NTN1: variants seen among roughly 807,000 people sequenced by gnomAD.
The protein encoded by NTN1 is netrin-1.
NTN1 carries 11 observed loss-of-function variants against 54.2 expected under a neutral mutation model. The observed-to-expected ratio is 0.20, with a 90% CI of 0.13 to 0.34. The LOEUF is 0.34. Ranked by LOEUF, NTN1 falls within the 10% of genes least tolerant of loss-of-function variation. The pLI, the probability that NTN1 is intolerant of heterozygous loss-of-function variation, is 1.00. For missense variants in NTN1, 740 were observed against 893.1 expected (o/e 0.83, Z 2.18); for synonymous variants, 371 against 382.0 (o/e 0.97, Z 0.33).
At chr17:9,172,580 ACT>A (rs2092390029) in intron 3 of NTN1, among the ~76,000 whole-genome samples, 1 of 152,200 alleles carries the variant, frequency 6.6e-6, no homozygotes, top group African/African-American at 2.4e-5. Flanking sequence ...GATGTAAATG[ACT>A]CTCAAAATTC....
rs749563916 is a variant in NTN1 at position 9,179,791 on chromosome 17, T to G, written c.1208-16T>G. The G allele has an allele frequency of 1.6e-5, 25 of 1,611,494 alleles. 1 individual carries two copies. The South Asian group carries it at 2.6e-4, about 17-fold the overall frequency. On this transcript the variant is annotated splice_polypyrimidine_tract_variant and intron_variant, in intron 3 of 6. Coordinates refer to ENST00000173229, the MANE Select transcript of NTN1 (RefSeq NM_004822.3). The stretch of plus-strand genomic sequence containing the variant: ...CTTCCCCCTTGTCTGACCCTCCCAT[T>G]TTGTGTTCTCTGCAGCCTGTGATTG...
chr17:9,023,070 G>C lies in NTN1; in HGVS notation c.697G>C (p.Asp233His), dbSNP rs749289575. 5.7e-6 allele frequency: 9 copies of C among 1,577,068 alleles called. No homozygotes were observed. The highest frequency in any genetic ancestry group is 3.3e-4 in the Middle Eastern group (2 of 6,042). Residue 233 changes from aspartate (D) to histidine (H), a missense_variant, in exon 2 of 7, where the codon GAC becomes CAC. Coordinates refer to ENST00000173229, the MANE Select transcript of NTN1 (RefSeq NM_004822.3). ...CGGGCGGCCCTCGGCGCACGACTTC[G>C]ACAACTCGCCCGTGCTGCAGGACTG... ...LDGRPSAHDF[D>H]NSPVLQDWVT... is the part of the protein sequence containing the mutation.
intron 2 of NTN1, among the ~76,000 whole-genome samples, chr17:9,058,920 C>T (rs1399600280): frequency 1.3e-5 from 2 of 152,114 alleles, no homozygotes; most frequent in Non-Finnish European, 2.9e-5. Context: ...GGTTCAAATC[C>T]AGACTCGGCC....
Position 9,212,380 on chromosome 17 carries a change from T to A in NTN1, c.1412-8788T>A, listed in dbSNP as rs1160605499. ...TGATGGCCCTTATGAAACCCACGGA[T>A]GCCTGCGGCACCTTGAAAACCGAAC... On this transcript the variant is annotated intron_variant, in intron 5 of 6. Transcript: ENST00000173229. The surrounding 1 kb of genome is among the most constrained non-coding windows in gnomAD (Gnocchi z 5.5). 6.6e-6 allele frequency among the ~76,000 whole-genome samples: 1 copy of A among 152,220 alleles called. No individual in the cohort carries two copies. The highest frequency in any genetic ancestry group is 1.5e-5 in the Non-Finnish European group (1 of 68,034).
Position 9,103,074 on chromosome 17 carries a change from C to T in NTN1, c.1019-59739C>T, listed in dbSNP as rs79561682. Among the ~76,000 whole-genome samples, 1,228 of 152,090 alleles carry T rather than the reference C, an allele frequency of 8.1e-3. 23 individuals carry two copies. The highest frequency in any genetic ancestry group is 0.029 in the African/African-American group (1,185 of 41,488). ...CTGATTCACATGGATGTGTTCAGTTCGTGAAAATTCCATGAGCAGTATGCT... is the reference window on the plus strand; with the variant it reads ...CTGATTCACATGGATGTGTTCAGTTTGTGAAAATTCCATGAGCAGTATGCT... On this transcript the variant is annotated intron_variant, in intron 2 of 6. Coordinates refer to ENST00000173229, the MANE Select transcript of NTN1 (RefSeq NM_004822.3).
At chr17:9,188,619 G>C (rs990296552) in intron 5 of NTN1, among the ~76,000 whole-genome samples, 9 of 152,114 alleles carry the variant, frequency 5.9e-5, no homozygotes, top group African/African-American at 2.2e-4. Flanking sequence ...TTGTCTTCCT[G>C]TCGCCTCACT....
rs2092365818 is a variant in NTN1, at chr17:9,163,674, A to G, written c.1207+673A>G. On this transcript the variant is annotated intron_variant, in intron 3 of 6. Transcript: ENST00000173229. ...CCACTGAAGCAAGCACTAATGTTTT[A>G]ACTTTCTGCTGTTTGTTTTTCTCGT... 2.0e-5 allele frequency among the ~76,000 whole-genome samples: 3 copies of G among 152,246 alleles called. No homozygotes were observed. In the South Asian group the frequency reaches 6.2e-4, roughly 31 times the overall value.
intron 3 of NTN1, among the ~76,000 whole-genome samples, chr17:9,167,691 C>T (rs911407927): frequency 6.6e-6 from 1 of 152,340 alleles, no homozygotes; most frequent in African/African-American, 2.4e-5. Flanking sequence ...GACGTTCTTG[C>T]TACTTCCGTC....
the NTN1 span, among the ~76,000 whole-genome samples, chr17:9,011,968 T>C: frequency 6.6e-6 from 1 of 152,258 alleles, no homozygotes; most frequent in Admixed American, 6.5e-5. Flanking sequence ...AGTCAATTAA[T>C]TTGTAGTGCA....
chr17:9,111,227 C>T (rs1328588546), intron 2 of NTN1, among the ~76,000 whole-genome samples: 9 of 152,140 alleles, frequency 5.9e-5, no homozygotes, highest in Non-Finnish European at 1.2e-4. Context: ...TGAGCCACTG[C>T]GCCCTGCCCA....
chr17:9,231,708 G>A (rs910103760), intron 6 of NTN1, among the ~76,000 whole-genome samples: 12 of 123,078 alleles, frequency 9.7e-5, no homozygotes, highest in Admixed American at 3.1e-4. Flanking sequence ...GGCCACTCCC[G>A]CTCTGTGGAG....
At chr17:9,062,878 T>TAA (rs201844467) in intron 2 of NTN1, among the ~76,000 whole-genome samples, 18 of 151,254 alleles carry the variant, frequency 1.2e-4, no homozygotes, top group African/African-American at 4.4e-4. Context: ...CGCCCTTAAG[T>TAA]AAAAAAAAAT....
At chr17:9,125,824 C>G (rs1363488644) in intron 2 of NTN1, among the ~76,000 whole-genome samples, 2 of 152,180 alleles carry the variant, frequency 1.3e-5, no homozygotes, top group Non-Finnish European at 2.9e-5. Flanking sequence ...AGTGGATGCT[C>G]CATAAATGTG....
Position 9,221,145 on chromosome 17 carries a change from G to GC in NTN1, c.1412-22dup, listed in dbSNP as rs368559493. ...GCCAGCCTAATTAGTTTTTGTCTGT[G>GC]CTCCCCCCCCACCCCCCTGCAGACT... On this transcript the variant is annotated intron_variant, in intron 5 of 6. Coordinates refer to ENST00000173229, the MANE Select transcript of NTN1 (RefSeq NM_004822.3). This position sits in a 1 kb window ranked among gnomAD's most constrained non-coding sequence, Gnocchi z 4.5. 4,601 of 1,503,384 alleles carry GC rather than the reference G, an allele frequency of 3.1e-3. 116 individuals carry two copies. The African/African-American group carries it at 0.07, about 23-fold the overall frequency. The allele number at this position is 1,503,384 out of a possible 1,614,324, so 93.1% of individuals were successfully genotyped here. A position where few individuals can be genotyped will look rare whatever the true frequency, so the allele number is the denominator to read the frequency against.
chr17:9,114,544 G>C (rs908798357), intron 2 of NTN1, among the ~76,000 whole-genome samples: 1 of 151,838 alleles, frequency 6.6e-6, no homozygotes, highest in African/African-American at 2.4e-5. Context: ...CCTGAGGTCA[G>C]GAGTTCGAGA....
At chr17:9,119,286 C>A (rs1365837382) in intron 2 of NTN1, among the ~76,000 whole-genome samples, 2 of 151,972 alleles carry the variant, frequency 1.3e-5, no homozygotes, top group African/African-American at 4.8e-5. Context: ...CTCCCGGGTT[C>A]AAGCAATTCT....
chr17:9,102,103 G>C (rs1295918631), intron 2 of NTN1, among the ~76,000 whole-genome samples: 3 of 152,236 alleles, frequency 2.0e-5, no homozygotes, highest in African/African-American at 7.2e-5. Flanking sequence ...TGCCTAAAAT[G>C]GGAAAAGACA....
chr17:9,162,850 C>G lies in NTN1; in HGVS notation c.1056C>G (p.Phe352Leu), dbSNP rs2092361605. Reference protein sequence around the residue: ...NCNLHARRCRFNMELYKLSGR... With the variant: ...NCNLHARRCRLNMELYKLSGR... ...ACCTGCATGCCCGGCGCTGCCGCTTCAACATGGAGCTCTACAAGCTTTCGG... is the reference window on the plus strand; with the variant it reads ...ACCTGCATGCCCGGCGCTGCCGCTTGAACATGGAGCTCTACAAGCTTTCGG... Residue 352 changes from phenylalanine to leucine, a missense_variant, in exon 3 of 7, where the codon TTC (phenylalanine) becomes TTG (leucine). By Grantham distance (22) the Phe-to-Leu change is conservative. Transcript: ENST00000173229. 1 of 1,613,852 alleles carries G rather than the reference C, an allele frequency of 6.2e-7. No homozygotes were observed. The highest frequency in any genetic ancestry group is 1.7e-5 in the Admixed American group (1 of 60,020).
At chr17:9,074,436 A>AGTGT (rs1159388200) in intron 2 of NTN1, among the ~76,000 whole-genome samples, 4 of 152,154 alleles carry the variant, frequency 2.6e-5, no homozygotes, top group Non-Finnish European at 5.9e-5. Flanking sequence ...CGGGTGAGTG[A>AGTGT]GTGTGCAAAT....
Sources: gnomAD v4.1 joint callset for allele counts (sites outside exome capture counted in the v4.1 genomes callset) on GRCh38, gnomAD v4.1.1 for gene constraint, Gnocchi (gnomAD v3.1) non-coding constraint, MANE v1.5 for transcripts, NCBI Gene and HGNC (gene_info 2026-07-23, HGNC 2026-07-21) for gene names.